The following ATP8A1 variants were observed in gnomAD, a reference collection of about 807,000 sequenced individuals.
ATP8A1 encodes phospholipid-transporting ATPase IA.
In ATP8A1, 90 loss-of-function variants were observed where a neutral mutation model predicts 177.7. That is an observed-to-expected ratio of 0.51 (90% confidence interval 0.43 to 0.60). ATP8A1 has a LOEUF of 0.60. Ranked by LOEUF, ATP8A1 falls within the 20% of genes least tolerant of loss-of-function variation. ATP8A1 has a pLI of 0.00. For synonymous variants in ATP8A1, 493 were observed against 485.9 expected (o/e 1.01, Z -0.19); for missense variants, 1,072 against 1,392.8 (o/e 0.77, Z 3.67).
At chr4:42,451,368 C>T (rs935096883) in intron 30 of ATP8A1, among the ~76,000 whole-genome samples, 2 of 152,176 alleles carry the variant, frequency 1.3e-5, no homozygotes, top group African/African-American at 4.8e-5. Flanking sequence ...AAGGCAAAGT[C>T]GGCTCCAAGA....
chr4:42,524,902 A>G (rs1379150061), intron 20 of ATP8A1, 55 bp from the exon 21 acceptor site: 3 of 1,206,750 alleles, frequency 2.5e-6, no homozygotes, highest in Non-Finnish European at 2.4e-6. Context: ...GGTTTAATAA[A>G]GTTGATGTTG....
chr4:42,617,296 G>A (rs867712696), intron 4 of ATP8A1, among the ~76,000 whole-genome samples: 10 of 152,172 alleles, frequency 6.6e-5, no homozygotes, highest in East Asian at 5.8e-4. Context: ...ATGCCTCTGC[G>A]AAAGAATTGT....
rs1452530039 is a variant in ATP8A1 at position 42,552,677 on chromosome 4, A to AC, written c.1414-68dup. ...ACATTTTGACACTGACAGTAATATTACTTCATGTCTATTAAGAACATAGTT... is the reference window on the plus strand; with the variant it reads ...ACATTTTGACACTGACAGTAATATTACCTTCATGTCTATTAAGAACATAGTT... On this transcript the variant is annotated intron_variant, in intron 16 of 36. Transcript: ENST00000381668. The AC allele has an allele frequency of 3.0e-5, 34 of 1,127,530 alleles. 1 individual carries two copies. In the South Asian group the frequency reaches 3.6e-4, roughly 12 times the overall value. The allele number at this position is 1,127,530 out of a possible 1,614,324, so 69.8% of individuals were successfully genotyped here. A position where few individuals can be genotyped will look rare whatever the true frequency, so the allele number is the denominator to read the frequency against.
chr4:42,503,427 T>TA (rs756085534), intron 24 of ATP8A1, 23 bp downstream of exon 24: 1 of 1,416,094 alleles, frequency 7.1e-7, no homozygotes, highest in South Asian at 1.2e-5. Context: ...AAAGGAGTTT[T>TA]AAAAATACAT....
At chr4:42,452,290 C>CGAA (rs2153178253) in intron 29 of ATP8A1, among the ~76,000 whole-genome samples, 1 of 151,394 alleles carries the variant, frequency 6.6e-6, no homozygotes, top group African/African-American at 2.4e-5. Flanking sequence ...TTTTTTTCTG[C>CGAA]TTCTCAAAAA....
chr4:42,507,851 TCTTGCTGACCTGTTTAAAAA>T (rs1376921903), intron 22 of ATP8A1, among the ~76,000 whole-genome samples: 4 of 117,556 alleles, frequency 3.4e-5, no homozygotes, highest in African/African-American at 1.3e-4. Flanking sequence ...GAAGATGCAA[TCTTGCTGACCTGTTTAAAAA>T]CAGTGAGGTT....
intron 22 of ATP8A1, among the ~76,000 whole-genome samples, chr4:42,511,540 G>GA (rs1411924656): frequency 1.3e-5 from 2 of 152,080 alleles, no homozygotes; most frequent in African/African-American, 2.4e-5. Flanking sequence ...AGTTATCACT[G>GA]AAAAAATCAT....
intron 16 of ATP8A1, among the ~76,000 whole-genome samples, chr4:42,554,487 T>C (rs1319557907): frequency 6.6e-6 from 1 of 152,188 alleles, no homozygotes; most frequent in African/African-American, 2.4e-5. Flanking sequence ...GTTAATATTT[T>C]GTTGAAGGCT....
intron 1 of ATP8A1, among the ~76,000 whole-genome samples, chr4:42,651,152 C>T (rs1445707987): frequency 6.6e-6 from 1 of 151,900 alleles, no homozygotes; most frequent in Admixed American, 6.6e-5. Flanking sequence ...TCCTCCTTGC[C>T]TTCTGCCATG....
At chr4:42,482,471 C>G (rs1721792239) in intron 25 of ATP8A1, among the ~76,000 whole-genome samples, 1 of 152,020 alleles carries the variant, frequency 6.6e-6, no homozygotes, top group Admixed American at 6.6e-5. Context: ...CCAAAACCAC[C>G]AGGACTCCAG....
chr4:42,633,192 T>G (rs1310628675), intron 1 of ATP8A1, among the ~76,000 whole-genome samples: 1 of 152,218 alleles, frequency 6.6e-6, no homozygotes, highest in Non-Finnish European at 1.5e-5. Context: ...TGGCACCTAC[T>G]GATCAGTGAC....
chr4:42,598,932 T>C (rs1234752009), intron 6 of ATP8A1, among the ~76,000 whole-genome samples: 1 of 152,180 alleles, frequency 6.6e-6, no homozygotes, highest in Non-Finnish European at 1.5e-5. Context: ...CTTTAAATTC[T>C]GTCCTTCTTT....
chr4:42,559,822 C>CA (rs1312502959), intron 15 of ATP8A1, among the ~76,000 whole-genome samples: 1 of 152,226 alleles, frequency 6.6e-6, no homozygotes, highest in African/African-American at 2.4e-5. Flanking sequence ...TCTCCTGCCT[C>CA]AGCCTCCCAA....
intron 5 of ATP8A1, among the ~76,000 whole-genome samples, chr4:42,612,839 G>A (rs1736508372): frequency 6.6e-6 from 1 of 152,086 alleles, no homozygotes; most frequent in Admixed American, 6.6e-5. Flanking sequence ...AAGTTGCTAA[G>A]GAATGAGAGT....
At chr4:42,633,764 CATT>C (rs1738993762) in intron 1 of ATP8A1, among the ~76,000 whole-genome samples, 1 of 151,984 alleles carries the variant, frequency 6.6e-6, no homozygotes, top group Admixed American at 6.6e-5. Context: ...GAGCTATTTT[CATT>C]GTTGTTGTTA....
At chr4:42,594,144 T>C in intron 6 of ATP8A1, 1 of 494,512 alleles carries the variant, frequency 2.0e-6, no homozygotes. Context: ...TTAAGTCCAA[T>C]CAATTTTTTA....
rs187679736 is a variant in ATP8A1 at position 42,484,286 on chromosome 4, T to C, written c.2324+1210A>G. Among the ~76,000 whole-genome samples, 954 of 152,338 alleles carry C rather than the reference T, an allele frequency of 6.3e-3. 12 individuals are homozygous for C. The highest frequency in any genetic ancestry group is 0.011 in the Non-Finnish European group (747 of 68,018). On this transcript the variant is annotated intron_variant, in intron 25 of 36. Coordinates refer to ENST00000381668, the MANE Select transcript of ATP8A1 (RefSeq NM_006095.2). ...CCGGATGACTAATATTAAACATCTG[T>C]ACAATATATTGTCCAAGAACTTTAT...
At chr4:42,529,622 G>A (rs552957899) in intron 20 of ATP8A1, among the ~76,000 whole-genome samples, 14 of 152,284 alleles carry the variant, frequency 9.2e-5, no homozygotes, top group East Asian at 1.9e-4. Flanking sequence ...AGCCTGCACC[G>A]ATGGCCTCAT....
chr4:42,649,449 T>C (rs1271063587), intron 1 of ATP8A1, among the ~76,000 whole-genome samples: 1 of 152,214 alleles, frequency 6.6e-6, no homozygotes, highest in Non-Finnish European at 1.5e-5. Context: ...TGTAAATATA[T>C]AAATTTATAT....
Sources: gnomAD v4.1 joint callset for allele counts (sites outside exome capture counted in the v4.1 genomes callset) on GRCh38, gnomAD v4.1.1 for gene constraint, MANE v1.5 for transcripts, NCBI Gene and HGNC (gene_info 2026-07-23, HGNC 2026-07-21) for gene names.